Variants in MACROD2 observed in about 807,000 individuals in gnomAD.
MACROD2 encodes mono-ADP ribosylhydrolase 2, also known as ADP-ribose glycohydrolase MACROD2.
In MACROD2, 36 loss-of-function variants were observed where a neutral mutation model predicts 70.4. The observed-to-expected ratio is 0.51, with a 90% confidence interval of 0.39 to 0.68. The LOEUF is 0.68. MACROD2 is among the 30% of genes least tolerant of loss of function. The pLI, the probability that MACROD2 is intolerant of heterozygous loss-of-function variation, is 0.00. For missense variants in MACROD2, 496 were observed against 538.4 expected (o/e 0.92, Z 0.78); for synonymous variants, 172 against 178.8 (o/e 0.96, Z 0.30).
At chr20:16,020,541 C>T (rs2066987259) in intron 15 of MACROD2, among the ~76,000 whole-genome samples, 1 of 150,960 alleles carries the variant, frequency 6.6e-6, no homozygotes, top group African/African-American at 2.4e-5. Flanking sequence ...CTGTAAAGAG[C>T]TTGGCACATG....
chr20:14,607,254 A>G (rs1409091507), intron 4 of MACROD2, among the ~76,000 whole-genome samples: 1 of 152,140 alleles, frequency 6.6e-6, no homozygotes, highest in Non-Finnish European at 1.5e-5. Flanking sequence ...GTGGCATCCA[A>G]TAGGACTGCT....
At chr20:15,232,970 G>A (rs1265440199) in intron 6 of MACROD2, among the ~76,000 whole-genome samples, 5 of 151,798 alleles carry the variant, frequency 3.3e-5, no homozygotes, top group Non-Finnish European at 7.4e-5. Context: ...GTACCCTGAC[G>A]TTATCAGGTA....
At chr20:15,686,598 C>T (rs2050227863) in intron 8 of MACROD2, among the ~76,000 whole-genome samples, 1 of 152,124 alleles carries the variant, frequency 6.6e-6, no homozygotes, top group African/African-American at 2.4e-5. Flanking sequence ...GTTGGCCGGG[C>T]ATGGTGGCTC....
At chr20:16,011,823 G>A (rs2066867314) in intron 15 of MACROD2, among the ~76,000 whole-genome samples, 1 of 152,240 alleles carries the variant, frequency 6.6e-6, no homozygotes, top group African/African-American at 2.4e-5. Context: ...ATGGATTCCA[G>A]AGGGTGATTC....
intron 3 of MACROD2, among the ~76,000 whole-genome samples, chr20:14,220,018 A>C (rs944269913): frequency 1.3e-5 from 2 of 152,104 alleles, no homozygotes; most frequent in Admixed American, 1.3e-4. Flanking sequence ...TCCTGCCAGG[A>C]GGTGGCACTT....
At chr20:14,419,941 A>G (rs1026161662) in intron 3 of MACROD2, among the ~76,000 whole-genome samples, 3 of 151,998 alleles carry the variant, frequency 2.0e-5, no homozygotes, top group Non-Finnish European at 2.9e-5. Flanking sequence ...ACCAATCACT[A>G]TTGTTAGTCA....
chr20:14,932,155 T>A (rs1381720687), intron 5 of MACROD2, among the ~76,000 whole-genome samples: 1 of 152,140 alleles, frequency 6.6e-6, no homozygotes, highest in Non-Finnish European at 1.5e-5. Context: ...AAACTCCCTA[T>A]TACTTATATA....
chr20:15,660,274 G>A (rs2146814466), intron 8 of MACROD2, among the ~76,000 whole-genome samples: 1 of 152,186 alleles, frequency 6.6e-6, no homozygotes, highest in South Asian at 2.1e-4. Context: ...AAGAATAGAT[G>A]GAAACTGAAG....
chr20:15,053,687 C>A (rs933213037), intron 5 of MACROD2, among the ~76,000 whole-genome samples: 1 of 152,180 alleles, frequency 6.6e-6, no homozygotes, highest in African/African-American at 2.4e-5. Flanking sequence ...ATACAACATT[C>A]CTTCTGCAGC....
chr20:14,470,864 TG>T (rs1270367019), intron 3 of MACROD2, among the ~76,000 whole-genome samples: 14 of 152,242 alleles, frequency 9.2e-5, no homozygotes, highest in Non-Finnish European at 1.9e-4. Flanking sequence ...CTGGGCTCTG[TG>T]GGGGTGGGAT....
intron 11 of MACROD2, 102 bp from the exon 12 acceptor site, chr20:15,937,374 G>C: frequency 9.9e-7 from 1 of 1,011,202 alleles, no homozygotes. Flanking sequence ...GCAGGCTCAT[G>C]CTTTCTTTGG....
intron 4 of MACROD2, among the ~76,000 whole-genome samples, chr20:14,634,547 C>G (rs556139234): frequency 1.6e-5 from 2 of 123,812 alleles, no homozygotes; most frequent in African/African-American, 3.0e-5. Flanking sequence ...TCCCTCCCCC[C>G]GCCCAACTGG....
chr20:14,183,536 G>A (rs944697284), intron 3 of MACROD2, among the ~76,000 whole-genome samples: 8 of 151,916 alleles, frequency 5.3e-5, no homozygotes, highest in Admixed American at 4.6e-4. Context: ...TATTTTTGGG[G>A]TATATACCCA....
chr20:14,291,989 G>C (rs567459392), intron 3 of MACROD2, among the ~76,000 whole-genome samples: 1 of 151,978 alleles, frequency 6.6e-6, no homozygotes, highest in Admixed American at 6.5e-5. Context: ...GCTAAGCAAA[G>C]GTGTAGTTTT....
chr20:14,916,416 A>C (rs1418759617), intron 5 of MACROD2, among the ~76,000 whole-genome samples: 1 of 152,170 alleles, frequency 6.6e-6, no homozygotes, highest in Non-Finnish European at 1.5e-5. Flanking sequence ...TGGGCGAAAA[A>C]TCCAGGCTCT....
chr20:15,152,829 G>T (rs1166460442), intron 5 of MACROD2, among the ~76,000 whole-genome samples: 1 of 152,070 alleles, frequency 6.6e-6, no homozygotes, highest in Non-Finnish European at 1.5e-5. Flanking sequence ...TCCATGACTG[G>T]CACTGGAGTT....
At chr20:15,232,711 C>A (rs1326447595) in intron 6 of MACROD2, among the ~76,000 whole-genome samples, 2 of 151,950 alleles carry the variant, frequency 1.3e-5, no homozygotes, top group African/African-American at 4.8e-5. Context: ...CACCAGAACT[C>A]TAGACATTTA....
chr20:15,783,747 A>C (rs868751392), intron 8 of MACROD2, among the ~76,000 whole-genome samples: 2 of 152,304 alleles, frequency 1.3e-5, no homozygotes, highest in African/African-American at 4.8e-5. Context: ...TTTTGCAACC[A>C]GTGTGTCTCC....
At position 15,176,170 on chromosome 20, in the gene MACROD2, G is replaced by A. The variant is rs377280323; in HGVS notation, c.419-53770G>A. ...CTTTGGGAACCCAGGAGCATGGGAG[G>A]GAAGCAAAGGAGGGGCTGAGGGCAG... On this transcript the variant is annotated intron_variant, in intron 5 of 17. Transcript: ENST00000684519. Among the ~76,000 whole-genome samples the A allele has an allele frequency of 9.8e-4, 149 of 152,344 alleles. 1 individual carries two copies. The highest frequency in any genetic ancestry group is 3.2e-3 in the African/African-American group (135 of 41,576).
Sources: gnomAD v4.1 joint callset for allele counts (sites outside exome capture counted in the v4.1 genomes callset) on GRCh38, gnomAD v4.1.1 for gene constraint, MANE v1.5 for transcripts, NCBI Gene and HGNC (gene_info 2026-07-23, HGNC 2026-07-21) for gene names.